The following HEATR1 variants were observed in gnomAD, a reference collection of about 807,000 sequenced individuals.
HEATR1 encodes HEAT repeat-containing protein 1.
HEATR1 carries 77 observed loss-of-function variants against 248.2 expected under a neutral mutation model. The observed-to-expected ratio is 0.31, with a 90% CI of 0.26 to 0.37. The LOEUF (loss-of-function observed/expected upper bound fraction) is 0.37, where lower values mean the gene tolerates loss of function less well. Among genes scored for constraint, HEATR1 ranks in the 10% least tolerant of loss-of-function variants. HEATR1 has a pLI of 1.00. For synonymous variants in HEATR1, 897 were observed against 923.1 expected (o/e 0.97, Z 0.51); for missense variants, 2,420 against 2,504.9 (o/e 0.97, Z 0.72).
chr1:236,594,477 C>T (rs750540481), intron 8 of HEATR1, among the ~76,000 whole-genome samples: 1 of 152,132 alleles, frequency 6.6e-6, no homozygotes, highest in Non-Finnish European at 1.5e-5. Context: ...TATCTCAGTA[C>T]CCACCCCCTT....
intron 12 of HEATR1, among the ~76,000 whole-genome samples, chr1:236,588,508 A>G (rs1461582703): frequency 1.3e-5 from 2 of 152,238 alleles, no homozygotes; most frequent in African/African-American, 4.8e-5. Context: ...AAGGGTTGTT[A>G]GAAGATTAAA....
At position 236,559,795 on chromosome 1, in the gene HEATR1, C is replaced by G. The variant is rs2103126736; in HGVS notation, c.4689G>C (p.Gln1563His). 2 of 1,614,044 alleles carry G rather than the reference C, an allele frequency of 1.2e-6. No homozygotes were observed. Among genetic ancestry groups the G allele is most frequent in the East Asian group, 2.2e-5 (1 of 44,888 alleles). ...GTTTGTCTGCGTTCCTTTCCATGGA[C>G]TGTGCAACTGCACTGATATAGCCGA... ...TVLGYISAVA[Q>H]SMERNADKLT... The change falls in exon 34 of 45, where the codon CAG becomes CAC. Residue 1563 changes from glutamine to histidine, a missense_variant. Coordinates refer to ENST00000366582, the MANE Select transcript of HEATR1 (RefSeq NM_018072.6).
intron 3 of HEATR1, among the ~76,000 whole-genome samples, chr1:236,602,443 G>A (rs2102802870): frequency 6.6e-6 from 1 of 152,262 alleles, no homozygotes; most frequent in Admixed American, 6.5e-5. Context: ...TGCTTACCAG[G>A]GCCTAGTGTA....
Position 236,576,813 on chromosome 1 carries a change from C to T in HEATR1, c.2892G>A (p.Glu964=). The part of the protein sequence containing the change: ...LIIDHLISKA[E]EITSDAAYVI... ...CATAGGCAGCATCTGAAGTGATCTCCTCTGCTTTAGAAATCAAATGATCTA... is the reference window on the plus strand; with the variant it reads ...CATAGGCAGCATCTGAAGTGATCTCTTCTGCTTTAGAAATCAAATGATCTA... Residue 964 remains glutamate (E), a synonymous_variant, in exon 21 of 45, where the codon GAG becomes GAA. Transcript: ENST00000366582. The T allele has an allele frequency of 6.2e-7, 1 of 1,613,928 alleles. No individual in the cohort carries two copies. The highest frequency in any genetic ancestry group is 8.5e-7 in the Non-Finnish European group (1 of 1,179,926).
intron 6 of HEATR1, among the ~76,000 whole-genome samples, chr1:236,596,497 G>C (rs1035153897): frequency 6.6e-6 from 1 of 152,178 alleles, no homozygotes; most frequent in African/African-American, 2.4e-5. Context: ...TGAGAGGCAG[G>C]AGCCAGTGCA....
At position 236,585,299 on chromosome 1, in the gene HEATR1, A is replaced by T. The variant is rs530067886; in HGVS notation, c.2050-83T>A. 1.7e-5 allele frequency: 19 copies of T among 1,135,690 alleles called. No individual in the cohort carries two copies. In the Admixed American group the frequency reaches 2.4e-4, roughly 15 times the overall value. The allele number at this position is 1,135,690 out of a possible 1,614,324, so 70.4% of individuals were successfully genotyped here. On this transcript the variant is annotated intron_variant, in intron 16 of 44. Transcript: ENST00000366582. ...TTCAACTCAGGTCTATCTAGGTATT[A>T]TGTGTTTTACATTTAAAGTGAGATG...
At chr1:236,573,951 TCA>T (rs1219522865) in intron 24 of HEATR1, 31 of 275,060 alleles carry the variant, frequency 1.1e-4, no homozygotes, top group East Asian at 2.1e-4. Flanking sequence ...ATGAGAAAGA[TCA>T]CACACACACA....
intron 2 of HEATR1, 29 bp from the exon 3 acceptor site, chr1:236,603,405 A>C: frequency 6.3e-7 from 1 of 1,587,840 alleles, no homozygotes; most frequent in South Asian, 1.1e-5. Context: ...CAGTTTATTT[A>C]ACAATTCTTC....
intron 39 of HEATR1, 36 bp from the exon 40 acceptor site, chr1:236,555,691 T>C (rs1572031266): frequency 1.2e-6 from 2 of 1,608,978 alleles, no homozygotes; most frequent in East Asian, 4.5e-5. Flanking sequence ...AGAGTGCTGA[T>C]ACCTGACTGT....
chr1:236,600,937 A>C (rs1398432011), intron 3 of HEATR1, among the ~76,000 whole-genome samples: 1 of 152,220 alleles, frequency 6.6e-6, no homozygotes, highest in Admixed American at 6.5e-5. Flanking sequence ...ATCCTTTATT[A>C]TGGCATTTAT....
intron 31 of HEATR1, among the ~76,000 whole-genome samples, chr1:236,565,299 T>G (rs970040659): frequency 6.6e-6 from 1 of 152,180 alleles, no homozygotes; most frequent in Non-Finnish European, 1.5e-5. Flanking sequence ...CTAAGAACTA[T>G]CAACACGTCA....
intron 20 of HEATR1, among the ~76,000 whole-genome samples, chr1:236,577,654 A>C (rs1375011919): frequency 6.6e-6 from 1 of 151,472 alleles, no homozygotes; most frequent in Non-Finnish European, 1.5e-5. Flanking sequence ...ACATCCGGCT[A>C]ATTTTGTATT....
rs980321438 is a variant in HEATR1, at chr1:236,592,170, C to T, written c.1305-60G>A. The T allele has an allele frequency of 1.1e-5, 9 of 834,638 alleles. No individual in the cohort carries two copies. The Admixed American group carries it at 1.8e-4, about 17-fold the overall frequency. 51.7% of individuals were successfully genotyped at this position (834,638 alleles called of 1,614,324 possible). On this transcript the variant is annotated intron_variant, in intron 10 of 44. Coordinates refer to ENST00000366582, the MANE Select transcript of HEATR1 (RefSeq NM_018072.6). ...TAATAAATTTATTAATCTCATACACCATACACATATAAAGGAAAGACATAA... is the reference window on the plus strand; with the variant it reads ...TAATAAATTTATTAATCTCATACACTATACACATATAAAGGAAAGACATAA...
Position 236,599,746 on chromosome 1 carries a change from A to G in HEATR1, c.360-122T>C, listed in dbSNP as rs1046029867. Reference sequence around the variant, plus strand: ...CAACCTAGAACGAGTAGCAGTAAAAATCACAAAATTATAAGATACAGAGCA... The same window carrying G: ...CAACCTAGAACGAGTAGCAGTAAAAGTCACAAAATTATAAGATACAGAGCA... On this transcript the variant is annotated intron_variant, in intron 3 of 44. Transcript: ENST00000366582. 7 of 899,160 alleles carry G rather than the reference A, an allele frequency of 7.8e-6. No individual in the cohort carries two copies. The African/African-American group carries it at 1.2e-4, about 15-fold the overall frequency. 55.7% of individuals were successfully genotyped at this position (899,160 alleles called of 1,614,324 possible).
chr1:236,587,227 A>G lies in HEATR1; in HGVS notation c.1715+175T>C, dbSNP rs1663917283. Among the ~76,000 whole-genome samples the G allele has an allele frequency of 2.6e-5, 4 of 152,166 alleles. No individual in the cohort carries two copies. The South Asian group carries it at 8.3e-4, about 32-fold the overall frequency. ...AGAACAGTATAATGAACACACACAA[A>G]CACAAATTAATTAACTGTATAATGA... is the stretch of plus-strand genomic sequence containing the variant. On this transcript the variant is annotated intron_variant, in intron 14 of 44. Coordinates refer to ENST00000366582, the MANE Select transcript of HEATR1 (RefSeq NM_018072.6).
intron 35 of HEATR1, 134 bp downstream of exon 35, chr1:236,558,861 T>G: frequency 1.2e-6 from 1 of 800,196 alleles, no homozygotes; most frequent in Non-Finnish European, 2.0e-6. Context: ...TTTTAAAACA[T>G]GTCATGGTAT....
rs144891600 is a variant in HEATR1, at chr1:236,595,582, T to G, written c.1048A>C (p.Met350Leu). ...TYDVSPLLHY[M>L]LPHLVVSIIH... Reference sequence around the variant, plus strand: ...ATGGAGACGACCAGATGGGGAAGCATGTAATGCAGAAGAGGACTGACATCG... The same window carrying G: ...ATGGAGACGACCAGATGGGGAAGCAGGTAATGCAGAAGAGGACTGACATCG... The change falls in exon 8 of 45, where the codon ATG becomes CTG. Residue 350 changes from methionine to leucine, a missense_variant. Transcript: ENST00000366582. 6.2e-7 allele frequency: 1 copy of G among 1,611,768 alleles called. No individual in the cohort carries two copies. Among genetic ancestry groups the G allele is most frequent in the Admixed American group, 1.7e-5 (1 of 59,990 alleles).
intron 17 of HEATR1, among the ~76,000 whole-genome samples, chr1:236,583,739 G>A (rs539103586): frequency 9.2e-5 from 14 of 152,044 alleles, no homozygotes; most frequent in African/African-American, 3.4e-4. Context: ...CACCCGCCTC[G>A]GCCTCCCAAA....
intron 28 of HEATR1, among the ~76,000 whole-genome samples, chr1:236,570,059 C>A (rs1021776544): frequency 2.0e-5 from 3 of 152,116 alleles, no homozygotes; most frequent in African/African-American, 7.2e-5. Context: ...GAGGCCGAGG[C>A]GGGCGGATCA....
Sources: gnomAD v4.1 joint callset for allele counts (sites outside exome capture counted in the v4.1 genomes callset) on GRCh38, gnomAD v4.1.1 for gene constraint, MANE v1.5 for transcripts, NCBI Gene and HGNC (gene_info 2026-07-23, HGNC 2026-07-21) for gene names.